Variants in SPIDR observed in about 807,000 individuals in gnomAD.
The protein encoded by SPIDR is DNA repair-scaffolding protein.
A neutral mutation model predicts 104.6 loss-of-function variants in SPIDR; 93 were observed. The ratio of observed to expected loss-of-function variants is 0.89; its 90% CI spans 0.75 to 1.06. The LOEUF (loss-of-function observed/expected upper bound fraction) is 1.06. Ranked by LOEUF, SPIDR falls within the 50% of genes least tolerant of loss-of-function variation. The pLI, the probability that SPIDR is intolerant of heterozygous loss-of-function variation, is 0.00. For synonymous variants in SPIDR, 431 were observed against 416.9 expected (o/e 1.03, Z -0.41); for missense variants, 1,154 against 1,111.2 (o/e 1.04, Z -0.55).
At chr8:47,705,793 A>G (rs2080999524) in intron 14 of SPIDR, among the ~76,000 whole-genome samples, 1 of 152,010 alleles carries the variant, frequency 6.6e-6, no homozygotes, top group South Asian at 2.1e-4. Flanking sequence ...CATCTCAGCT[A>G]CTTGGGAGGC....
intron 3 of SPIDR, among the ~76,000 whole-genome samples, chr8:47,286,977 C>T (rs2038964271): frequency 6.6e-6 from 1 of 152,098 alleles, no homozygotes; most frequent in African/African-American, 2.4e-5. Context: ...AACGTAGGTT[C>T]TTTGTATTTT....
intron 8 of SPIDR, among the ~76,000 whole-genome samples, chr8:47,499,740 A>G (rs910549623): frequency 2.0e-5 from 3 of 152,002 alleles, no homozygotes; most frequent in Non-Finnish European, 4.4e-5. Context: ...TACACCCAGT[A>G]ACTCGTCATT....
rs187735336 is a variant in SPIDR, at chr8:47,267,303, C to T, written c.33+6312C>T. ...CTTCTCAAGGTGTTGGGATTACATC[C>T]GTGAGCCATCGCACCTGGCCTGCGT... On this transcript the variant is annotated intron_variant, in intron 1 of 19. Coordinates refer to ENST00000297423, the MANE Select transcript of SPIDR (RefSeq NM_001080394.4). 7.2e-5 allele frequency among the ~76,000 whole-genome samples: 11 copies of T among 152,186 alleles called. No individual in the cohort carries two copies. In the East Asian group the frequency reaches 9.7e-4, roughly 13 times the overall value.
At chr8:47,333,646 A>T (rs2049167102) in intron 5 of SPIDR, among the ~76,000 whole-genome samples, 1 of 152,194 alleles carries the variant, frequency 6.6e-6, no homozygotes, top group Admixed American at 6.5e-5. Context: ...AGTATAGTAA[A>T]TACATAGATT....
chr8:47,519,663 C>A (rs1357778943), intron 8 of SPIDR, among the ~76,000 whole-genome samples: 1 of 152,082 alleles, frequency 6.6e-6, no homozygotes, highest in East Asian at 1.9e-4. Context: ...CACAGGCCTG[C>A]AGTCCCGACT....
At chr8:47,651,013 A>G (rs972376057) in intron 10 of SPIDR, among the ~76,000 whole-genome samples, 5 of 152,314 alleles carry the variant, frequency 3.3e-5, no homozygotes, top group African/African-American at 1.2e-4. Context: ...AAGATAACCC[A>G]GGAAAAACTC....
chr8:47,476,196 T>C (rs1312727534), intron 8 of SPIDR, among the ~76,000 whole-genome samples: 3 of 152,130 alleles, frequency 2.0e-5, no homozygotes, highest in Admixed American at 1.3e-4. Flanking sequence ...GCTTGACGGA[T>C]GGTCTGTTGT....
intron 10 of SPIDR, among the ~76,000 whole-genome samples, chr8:47,604,542 A>G (rs1476876017): frequency 6.6e-6 from 1 of 152,224 alleles, no homozygotes; most frequent in African/African-American, 2.4e-5. Context: ...AGTCCAGGTC[A>G]GAGAGGACTG....
chr8:47,447,375 G>A (rs1377872023), intron 8 of SPIDR, among the ~76,000 whole-genome samples: 8 of 151,982 alleles, frequency 5.3e-5, no homozygotes, highest in African/African-American at 1.4e-4. Flanking sequence ...CACCACACAC[G>A]GCTAATTTTT....
intron 8 of SPIDR, among the ~76,000 whole-genome samples, chr8:47,541,059 C>T (rs2088021237): frequency 6.6e-6 from 1 of 152,080 alleles, no homozygotes. Flanking sequence ...GGGGTTTTAC[C>T]ATGTTGACCA....
intron 8 of SPIDR, among the ~76,000 whole-genome samples, chr8:47,449,852 T>C (rs547214847): frequency 6.6e-6 from 1 of 152,206 alleles, no homozygotes; most frequent in Non-Finnish European, 1.5e-5. Context: ...ACAGAAAACC[T>C]GAGACTGCAT....
At chr8:47,574,291 T>C (rs1482538719) in intron 8 of SPIDR, among the ~76,000 whole-genome samples, 1 of 152,244 alleles carries the variant, frequency 6.6e-6, no homozygotes, top group African/African-American at 2.4e-5. Flanking sequence ...AAGTTCAATT[T>C]AGGATATTTT....
intron 8 of SPIDR, among the ~76,000 whole-genome samples, chr8:47,508,190 T>C (rs2081772495): frequency 6.6e-6 from 1 of 152,222 alleles, no homozygotes; most frequent in African/African-American, 2.4e-5. Context: ...GGTAGGATGA[T>C]TGACGTTCCT....
chr8:47,489,889 C>A (rs2078377721), intron 8 of SPIDR, among the ~76,000 whole-genome samples: 1 of 151,960 alleles, frequency 6.6e-6, no homozygotes, highest in South Asian at 2.1e-4. Flanking sequence ...GACCTAAAAC[C>A]ATAAAAACCC....
intron 7 of SPIDR, among the ~76,000 whole-genome samples, chr8:47,416,622 G>T (rs1310002713): frequency 6.6e-6 from 1 of 151,476 alleles, no homozygotes; most frequent in African/African-American, 2.4e-5. Context: ...ATATTTCAAT[G>T]AATTCTTTTT....
intron 10 of SPIDR, among the ~76,000 whole-genome samples, chr8:47,667,196 G>T (rs569955301): frequency 6.6e-6 from 1 of 151,948 alleles, no homozygotes; most frequent in African/African-American, 2.4e-5. Flanking sequence ...CACAAGAATC[G>T]CTTGAACCTG....
Position 47,643,311 on chromosome 8 carries a change from A to G in SPIDR, c.1545-30490A>G, listed in dbSNP as rs896754198. Reference sequence around the variant, plus strand: ...TAGTCTGCATTCTGTAGTATTTGCCATACTTCTATAACTGCAACTTCTATT... The same window carrying G: ...TAGTCTGCATTCTGTAGTATTTGCCGTACTTCTATAACTGCAACTTCTATT... On this transcript the variant is annotated intron_variant, in intron 10 of 19. Coordinates refer to ENST00000297423, the MANE Select transcript of SPIDR (RefSeq NM_001080394.4). Among the ~76,000 whole-genome samples the G allele has an allele frequency of 3.3e-5, 5 of 152,240 alleles. No homozygotes were observed. The South Asian group carries it at 1.0e-3, about 32-fold the overall frequency.
chr8:47,285,724 C>T (rs1253687325), intron 3 of SPIDR, among the ~76,000 whole-genome samples: 2 of 152,166 alleles, frequency 1.3e-5, no homozygotes, highest in African/African-American at 4.8e-5. Flanking sequence ...AAGGCCCACC[C>T]TAATGACCTT....
chr8:47,477,280 A>G (rs1476921635), intron 8 of SPIDR, among the ~76,000 whole-genome samples: 1 of 152,120 alleles, frequency 6.6e-6, no homozygotes, highest in Non-Finnish European at 1.5e-5. Flanking sequence ...GCTCACTGCA[A>G]CCTCTGCCTC....
Sources: allele counts gnomAD v4.1 joint callset (sites outside exome capture counted in the v4.1 genomes callset), GRCh38; gene constraint gnomAD v4.1.1; transcripts MANE v1.5; gene names NCBI Gene and HGNC (gene_info 2026-07-23, HGNC 2026-07-21).